PCDHGA1: variants seen among roughly 807,000 people sequenced by gnomAD.
The protein encoded by PCDHGA1 is protocadherin gamma subfamily A, 1, also known as protocadherin gamma-A1.
In PCDHGA1, 32 loss-of-function variants were observed where a neutral mutation model predicts 58.0. That is an observed-to-expected ratio of 0.55 (90% CI 0.42 to 0.74). PCDHGA1 has a LOEUF of 0.74. Ranked by LOEUF, PCDHGA1 falls within the 30% of genes least tolerant of loss-of-function variation. The pLI is 0.00. For missense variants in PCDHGA1, 1,205 were observed against 1,182.3 expected (o/e 1.02, Z -0.28); for synonymous variants, 498 against 501.1 (o/e 0.99, Z 0.08).
At chr5:141,403,579 C>T in intron 1 of PCDHGA1, 2 of 1,613,926 alleles carry the variant, frequency 1.2e-6, no homozygotes, top group South Asian at 1.1e-5. Flanking sequence ...CTGCCCACCA[C>T]CTGGTCCTCA....
intron 1 of PCDHGA1, among the ~76,000 whole-genome samples, chr5:141,449,003 T>A (rs2098622649): frequency 1.3e-5 from 2 of 152,280 alleles, no homozygotes; most frequent in African/African-American, 4.8e-5. Context: ...AAAGCTGTTT[T>A]TTTTAACAGT....
At chr5:141,351,485 G>A (rs757788189) in intron 1 of PCDHGA1, 6 of 1,613,904 alleles carry the variant, frequency 3.7e-6, no homozygotes, top group Non-Finnish European at 5.1e-6. Context: ...CCTAAACCGG[G>A]AGCAGACAGC....
rs1368632691 is a variant in PCDHGA1 at position 141,485,071 on chromosome 5, C to A, written c.2422-9736C>A. ...GCCGGCCGAACCGCGCCAGAGCTGG[C>A]GCGGGGAAAGGGAGATAGGTGTCTC... On this transcript the variant is annotated intron_variant, in intron 1 of 3. Coordinates refer to ENST00000517417, the MANE Select transcript of PCDHGA1 (RefSeq NM_018912.3). This position sits in a 1 kb window ranked among gnomAD's most constrained non-coding sequence, Gnocchi z 5.7. 3.3e-6 allele frequency: 3 copies of A among 913,030 alleles called. No individual in the cohort carries two copies. Among genetic ancestry groups the A allele is most frequent in the Non-Finnish European group, 5.1e-6 (3 of 584,604 alleles). 56.6% of individuals were successfully genotyped at this position (913,030 alleles called of 1,614,324 possible).
rs747655305 is a variant in PCDHGA1 at position 141,351,506 on chromosome 5, G to A, written c.2421+18401G>A. On this transcript the variant is annotated intron_variant, in intron 1 of 3. Coordinates refer to ENST00000517417, the MANE Select transcript of PCDHGA1 (RefSeq NM_018912.3). ...CCGGGAGCAGACAGCAGACTACAACGTCACAATCATAGCCACCGACAAGGG... is the reference window on the plus strand; with the variant it reads ...CCGGGAGCAGACAGCAGACTACAACATCACAATCATAGCCACCGACAAGGG... 58 of 1,613,874 alleles carry A rather than the reference G, an allele frequency of 3.6e-5. No homozygotes were observed. Among genetic ancestry groups the A allele is most frequent in the Middle Eastern group, 1.6e-4 (1 of 6,084 alleles).
chr5:141,458,701 C>A (rs1057501287), intron 1 of PCDHGA1, among the ~76,000 whole-genome samples: 3 of 152,088 alleles, frequency 2.0e-5, no homozygotes, highest in Non-Finnish European at 2.9e-5. Context: ...TCCCGAGTAG[C>A]TGGGATTACA....
intron 1 of PCDHGA1, chr5:141,410,760 A>G: frequency 8.5e-7 from 1 of 1,177,482 alleles, no homozygotes; most frequent in Non-Finnish European, 1.2e-6. Flanking sequence ...ATGTTTTTTC[A>G]ATTATAGTTT....
chr5:141,372,012 C>T, intron 1 of PCDHGA1: 1 of 1,613,320 alleles, frequency 6.2e-7, no homozygotes, highest in South Asian at 1.1e-5. Context: ...CCAGGGCTCG[C>T]CTACGCTCAG....
intron 1 of PCDHGA1, chr5:141,345,981 G>C (rs779560808): frequency 1.2e-6 from 2 of 1,613,408 alleles, no homozygotes; most frequent in Non-Finnish European, 8.5e-7. Context: ...CCAGGACCAC[G>C]GCCAGCCCCC....
At chr5:141,458,028 G>A (rs1363025110) in intron 1 of PCDHGA1, among the ~76,000 whole-genome samples, 2 of 152,122 alleles carry the variant, frequency 1.3e-5, no homozygotes, top group African/African-American at 4.8e-5. Flanking sequence ...ATTGTGTTCT[G>A]TTGACAAAGA....
chr5:141,511,003 G>T lies in PCDHGA1; in HGVS notation c.2626G>T (p.Ala876Ser), dbSNP rs114669158. ...GGGAGTMGLS[A>S]RYGPQFTLQH... The stretch of plus-strand genomic sequence containing the variant: ...GGGTGCCGGCACCATGGGATTGAGC[G>T]CCCGCTACGGACCCCAGTTCACCCT... Residue 876 changes from alanine to serine, a missense_variant, in exon 4 of 4, where the codon GCC (alanine) becomes TCC (serine). Coordinates refer to ENST00000517417, the MANE Select transcript of PCDHGA1 (RefSeq NM_018912.3). 2 of 1,614,032 alleles carry T rather than the reference G, an allele frequency of 1.2e-6. No individual in the cohort carries two copies. Among genetic ancestry groups the T allele is most frequent in the Non-Finnish European group, 1.7e-6 (2 of 1,180,020 alleles).
Position 141,491,711 on chromosome 5 carries a change from C to A in PCDHGA1, c.2422-3096C>A, listed in dbSNP as rs528931820. ...CGGGAGCGGAGCCAGGTGAGGGGCT[C>A]GGCGCCGCCCCGGGCGACCCCTGGG... On this transcript the variant is annotated intron_variant, in intron 1 of 3. Coordinates refer to ENST00000517417, the MANE Select transcript of PCDHGA1 (RefSeq NM_018912.3). The surrounding 1 kb of genome is among the most constrained non-coding windows in gnomAD (Gnocchi z 6.9). 1.3e-4 allele frequency: 217 copies of A among 1,609,356 alleles called. 3 individuals are homozygous for A. In the South Asian group the frequency reaches 2.2e-3, roughly 17 times the overall value.
In PCDHGA1 at chr5:141,346,558, G is replaced by C. The variant is rs763459310; in HGVS notation, c.2421+13453G>C. ...ATTTGAGAAATAAAGCCATGAGGTTGTCATTAGTCCTTTGACTAAATATTT... is the reference window on the plus strand; with the variant it reads ...ATTTGAGAAATAAAGCCATGAGGTTCTCATTAGTCCTTTGACTAAATATTT... On this transcript the variant is annotated intron_variant, in intron 1 of 3. Coordinates refer to ENST00000517417, the MANE Select transcript of PCDHGA1 (RefSeq NM_018912.3). The C allele has an allele frequency of 1.5e-5, 22 of 1,488,910 alleles. No individual in the cohort carries two copies. The South Asian group carries it at 2.8e-4, about 19-fold the overall frequency. 92.2% of individuals were successfully genotyped at this position (1,488,910 alleles called of 1,614,324 possible).
intron 1 of PCDHGA1, among the ~76,000 whole-genome samples, chr5:141,338,096 T>G (rs149152841): frequency 5.1e-4 from 77 of 152,324 alleles, no homozygotes; most frequent in African/African-American, 1.7e-3. Flanking sequence ...AAATCTAGAC[T>G]GGATACCCCT....
intron 1 of PCDHGA1, chr5:141,371,109 C>T: frequency 6.2e-7 from 1 of 1,613,836 alleles, no homozygotes; most frequent in South Asian, 1.1e-5. Flanking sequence ...AAATGATAAC[C>T]CCCCAGTATT....
chr5:141,507,554 A>C (rs1384910590), intron 3 of PCDHGA1, among the ~76,000 whole-genome samples: 2 of 152,258 alleles, frequency 1.3e-5, no homozygotes, highest in African/African-American at 4.8e-5. Context: ...TGAAAGTGGC[A>C]GGCGGCTGGG....
At chr5:141,335,649 T>C (rs1032879516) in intron 1 of PCDHGA1, among the ~76,000 whole-genome samples, 1 of 152,146 alleles carries the variant, frequency 6.6e-6, no homozygotes, top group Admixed American at 6.5e-5. Flanking sequence ...AATAGATCCG[T>C]TCTGCACACA....
rs1769382213 is a variant in PCDHGA1 at position 141,373,189 on chromosome 5, T to C, written c.2421+40084T>C. On this transcript the variant is annotated intron_variant, in intron 1 of 3. Coordinates refer to ENST00000517417, the MANE Select transcript of PCDHGA1 (RefSeq NM_018912.3). The stretch of plus-strand genomic sequence containing the variant: ...GTCAATCCTAAAATATATGAAACAT[T>C]ATGTATATCTTAACACATTTTTAAT... 2.0e-5 allele frequency among the ~76,000 whole-genome samples: 3 copies of C among 152,380 alleles called. No individual in the cohort carries two copies. In the Middle Eastern group the frequency reaches 0.01, roughly 518 times the overall value.
chr5:141,351,907 C>T (rs1169637398), intron 1 of PCDHGA1: 6 of 1,613,396 alleles, frequency 3.7e-6, no homozygotes, highest in Non-Finnish European at 4.2e-6. Flanking sequence ...TGTTGGTGGG[C>T]GACCTCAATG....
rs1035284319 is a variant in PCDHGA1, at chr5:141,368,926, G to C, written c.2421+35821G>C. Among the ~76,000 whole-genome samples, 16 of 152,178 alleles carry C rather than the reference G, an allele frequency of 1.1e-4. 2 individuals are homozygous for C. The highest frequency in any genetic ancestry group is 5.2e-4 in the Admixed American group (8 of 15,270). On this transcript the variant is annotated intron_variant, in intron 1 of 3. Transcript: ENST00000517417. Reference sequence around the variant, plus strand: ...TGTATAAAGGTGACAATGAGTGTCTGTCTAGAATTCTGGTTACTGTGAGTA... The same window carrying C: ...TGTATAAAGGTGACAATGAGTGTCTCTCTAGAATTCTGGTTACTGTGAGTA...
Sources: allele counts gnomAD v4.1 joint callset (sites outside exome capture counted in the v4.1 genomes callset), GRCh38; gene constraint gnomAD v4.1.1; non-coding constraint Gnocchi (gnomAD v3.1); transcripts MANE v1.5; gene names NCBI Gene and HGNC (gene_info 2026-07-23, HGNC 2026-07-21).